The following GLCE variants were observed in gnomAD, a reference collection of about 807,000 sequenced individuals.
The protein encoded by GLCE is glucuronic acid epimerase.
GLCE carries 19 observed loss-of-function variants against 47.9 expected under a neutral mutation model. That is an observed-to-expected ratio of 0.40 (90% confidence interval 0.28 to 0.58). GLCE has a LOEUF of 0.58. Ranked by LOEUF, GLCE falls within the 20% of genes least tolerant of loss-of-function variation. GLCE has a pLI of 0.48. For missense variants in GLCE, 556 were observed against 743.3 expected, an observed-to-expected ratio of 0.75 and a Z score of 2.93; for synonymous variants, 245 against 263.4, an observed-to-expected ratio of 0.93 and a Z score of 0.68.
chr15:69,213,285 T>A lies in GLCE; in HGVS notation c.-14+2879T>A, dbSNP rs150960734. ...AGAATTTCACCAGTTTTTCCACTAA[T>A]GTTCTTTTTCCAGGATCCCATATTA... On this transcript the variant is annotated intron_variant, in intron 2 of 4. Coordinates refer to ENST00000261858, the MANE Select transcript of GLCE (RefSeq NM_015554.3). Among the ~76,000 whole-genome samples the A allele has an allele frequency of 7.2e-3, 1,102 of 152,222 alleles. 14 individuals are homozygous for A. Among genetic ancestry groups the A allele is most frequent in the African/African-American group, 0.025 (1,018 of 41,548 alleles).
intron 2 of GLCE, among the ~76,000 whole-genome samples, chr15:69,218,637 A>T (rs1237864262): frequency 2.0e-5 from 3 of 152,202 alleles, no homozygotes; most frequent in African/African-American, 7.2e-5. Flanking sequence ...ACAAGACTGA[A>T]ATTTCAACCT....
intron 1 of GLCE, among the ~76,000 whole-genome samples, chr15:69,206,623 CT>C (rs995109072): frequency 3.3e-5 from 5 of 151,904 alleles, no homozygotes; most frequent in Non-Finnish European, 7.4e-5. Context: ...GTGTTGGTCC[CT>C]GTATTCCTTT....
intron 2 of GLCE, among the ~76,000 whole-genome samples, chr15:69,226,733 CTTTTTTTTTTTT>C: frequency 4.7e-5 from 2 of 42,864 alleles, no homozygotes; most frequent in African/African-American, 9.9e-5. Flanking sequence ...GCTTGCTTGC[CTTTTTTTTTTTT>C]TTTTTTTTTT....
rs2053168049 is a variant in GLCE, at chr15:69,271,615, T to A, written c.*2371T>A. 1 of 152,618 alleles carries A rather than the reference T, an allele frequency of 6.6e-6. No individual in the cohort carries two copies. Among genetic ancestry groups the A allele is most frequent in the Admixed American group, 6.5e-5 (1 of 15,280 alleles). 9.5% of individuals were successfully genotyped at this position (152,618 alleles called of 1,614,324 possible). On this transcript the variant is annotated 3_prime_UTR_variant, in exon 5 of 5. Coordinates refer to ENST00000261858, the MANE Select transcript of GLCE (RefSeq NM_015554.3). ...GAGGGTATTTTTAAATTTTATTGTT[T>A]TATTTCTTTAAGTTTTTCTTTGCTT...
At chr15:69,165,963 T>C (rs902656085) in intron 1 of GLCE, among the ~76,000 whole-genome samples, 1 of 152,230 alleles carries the variant, frequency 6.6e-6, no homozygotes, top group Non-Finnish European at 1.5e-5. Context: ...ATAAGACTTC[T>C]CGCACTTTAA....
chr15:69,162,740 TTTTA>T (rs892029007), intron 1 of GLCE, among the ~76,000 whole-genome samples: 2 of 152,234 alleles, frequency 1.3e-5, no homozygotes, highest in South Asian at 2.1e-4. Flanking sequence ...GCCTCACTAA[TTTTA>T]TTTATTTATT....
At chr15:69,207,670 C>A (rs971924326) in intron 1 of GLCE, among the ~76,000 whole-genome samples, 2 of 151,956 alleles carry the variant, frequency 1.3e-5, no homozygotes, top group Non-Finnish European at 2.9e-5. Flanking sequence ...TGGTTGCTTC[C>A]AGGTTTTGGT....
chr15:69,170,492 A>G (rs954828948), intron 1 of GLCE, among the ~76,000 whole-genome samples: 1 of 152,174 alleles, frequency 6.6e-6, no homozygotes, highest in Non-Finnish European at 1.5e-5. Flanking sequence ...ATTATAGACT[A>G]TGCATATATA....
At chr15:69,178,276 A>G (rs1442754878) in intron 1 of GLCE, among the ~76,000 whole-genome samples, 1 of 152,222 alleles carries the variant, frequency 6.6e-6, no homozygotes, top group Non-Finnish European at 1.5e-5. Context: ...CAGGTAGCTA[A>G]TATCAAAAAA....
Position 69,269,051 on chromosome 15 carries a change from C to T in GLCE, c.1661C>T (p.Thr554Ile). The change falls in exon 5 of 5, where the codon ACT (threonine) becomes ATT (isoleucine). Residue 554 changes from threonine (T) to isoleucine (I), a missense_variant. Coordinates refer to ENST00000261858, the MANE Select transcript of GLCE (RefSeq NM_015554.3). The part of the protein sequence containing the change: ...SLKAMLPLYD[T>I]GSGTIYDLRH... ...AAAGCCATGCTGCCCTTGTATGACA[C>T]TGGCTCAGGAACCATCTATGACCTC... is the stretch of plus-strand genomic sequence containing the variant. 1 of 1,614,198 alleles carries T rather than the reference C, an allele frequency of 6.2e-7. No homozygotes were observed. Among genetic ancestry groups the T allele is most frequent in the Non-Finnish European group, 8.5e-7 (1 of 1,180,010 alleles).
At chr15:69,202,560 G>A (rs2052091068) in intron 1 of GLCE, among the ~76,000 whole-genome samples, 1 of 152,050 alleles carries the variant, frequency 6.6e-6, no homozygotes. Context: ...GTTATTTGTA[G>A]TTTTCTTAGT....
intron 4 of GLCE, among the ~76,000 whole-genome samples, chr15:69,264,423 A>C (rs1486406403): frequency 6.6e-6 from 1 of 152,006 alleles, no homozygotes; most frequent in Non-Finnish European, 1.5e-5. Flanking sequence ...TATTTACACC[A>C]TATTTTCTTT....
intron 1 of GLCE, among the ~76,000 whole-genome samples, chr15:69,194,182 A>AGTT (rs2051953950): frequency 1.3e-5 from 2 of 152,120 alleles, no homozygotes; most frequent in African/African-American, 4.8e-5. Context: ...CCCACTGGGC[A>AGTT]TGCAGCTGTA....
At chr15:69,235,593 A>C (rs1020187365) in intron 2 of GLCE, among the ~76,000 whole-genome samples, 1 of 152,172 alleles carries the variant, frequency 6.6e-6, no homozygotes, top group African/African-American at 2.4e-5. Flanking sequence ...GAAGTTTGGA[A>C]AGGTCAACTA....
At chr15:69,217,377 A>G (rs1196334039) in intron 2 of GLCE, among the ~76,000 whole-genome samples, 1 of 151,262 alleles carries the variant, frequency 6.6e-6, no homozygotes, top group African/African-American at 2.4e-5. Context: ...AAGACTTGTA[A>G]AAGTAGAAAA....
intron 1 of GLCE, among the ~76,000 whole-genome samples, chr15:69,203,092 G>A (rs910785848): frequency 6.6e-6 from 1 of 152,080 alleles, no homozygotes; most frequent in South Asian, 2.1e-4. Context: ...TCTTTAAAAT[G>A]TTACTAGGTA....
intron 2 of GLCE, among the ~76,000 whole-genome samples, chr15:69,248,665 C>T (rs182872836): frequency 2.6e-5 from 4 of 152,162 alleles, no homozygotes; most frequent in Non-Finnish European, 4.4e-5. Flanking sequence ...CTCACTCTGT[C>T]GCCCAGGCTG....
At chr15:69,178,225 A>G (rs2051700579) in intron 1 of GLCE, among the ~76,000 whole-genome samples, 2 of 152,222 alleles carry the variant, frequency 1.3e-5, no homozygotes, top group African/African-American at 2.4e-5. Context: ...CGGTAAGAGT[A>G]AGATCAAAAA....
intron 2 of GLCE, among the ~76,000 whole-genome samples, chr15:69,241,449 G>A (rs2052670036): frequency 6.6e-6 from 1 of 152,156 alleles, no homozygotes; most frequent in Non-Finnish European, 1.5e-5. Context: ...CATGACTTTA[G>A]GGCTTAGCTA....
Sources: allele counts gnomAD v4.1 joint callset (sites outside exome capture counted in the v4.1 genomes callset), GRCh38; gene constraint gnomAD v4.1.1; transcripts MANE v1.5; gene names NCBI Gene and HGNC (gene_info 2026-07-23, HGNC 2026-07-21).